TAFA2: variants seen among roughly 807,000 people sequenced by gnomAD.
TAFA2 encodes the protein TAFA chemokine like family member 2.
In TAFA2, 7 loss-of-function variants were observed where a neutral mutation model predicts 18.8. That is an observed-to-expected ratio of 0.37 (90% CI 0.21 to 0.70). The LOEUF (loss-of-function observed/expected upper bound fraction) is 0.70. TAFA2 is among the 30% of genes least tolerant of loss of function. The pLI is 0.53. For synonymous variants in TAFA2, 60 were observed against 54.2 expected (o/e 1.11, Z -0.47); for missense variants, 122 against 158.1 (o/e 0.77, Z 1.23).
chr12:61,736,411 T>C (rs1033432684), intron 4 of TAFA2, among the ~76,000 whole-genome samples: 2 of 152,036 alleles, frequency 1.3e-5, no homozygotes, highest in African/African-American at 4.8e-5. Context: ...GAAAGTCAAG[T>C]TATGTGGATT....
intron 1 of TAFA2, among the ~76,000 whole-genome samples, chr12:61,972,692 T>C (rs1879290754): frequency 6.6e-6 from 1 of 151,690 alleles, no homozygotes; most frequent in Admixed American, 6.6e-5. Flanking sequence ...TCAAATAACT[T>C]GTACCTATGA....
chr12:61,878,328 A>T (rs1417327940), intron 1 of TAFA2, among the ~76,000 whole-genome samples: 1 of 152,178 alleles, frequency 6.6e-6, no homozygotes, highest in East Asian at 1.9e-4. Context: ...TTACAACAAT[A>T]AAAATGAAGA....
chr12:62,087,429 G>C (rs1376426266), intron 1 of TAFA2, among the ~76,000 whole-genome samples: 2 of 152,132 alleles, frequency 1.3e-5, no homozygotes, highest in East Asian at 1.9e-4. Flanking sequence ...ATTAGAATGA[G>C]AGTACTCAGT....
At chr12:62,011,874 C>T (rs1880782437) in intron 1 of TAFA2, among the ~76,000 whole-genome samples, 1 of 152,128 alleles carries the variant, frequency 6.6e-6, no homozygotes, top group African/African-American at 2.4e-5. Flanking sequence ...CAGTTTGCCT[C>T]ATCTGTAAAA....
chr12:61,738,457 T>C (rs888757438), intron 4 of TAFA2, among the ~76,000 whole-genome samples: 29 of 152,020 alleles, frequency 1.9e-4, no homozygotes, highest in African/African-American at 7.0e-4. Flanking sequence ...GAAATACTAG[T>C]TGAATAAATG....
At chr12:61,884,402 A>G (rs1248357651) in intron 1 of TAFA2, among the ~76,000 whole-genome samples, 1 of 152,164 alleles carries the variant, frequency 6.6e-6, no homozygotes, top group Non-Finnish European at 1.5e-5. Context: ...CTCTTTGGGT[A>G]ATATATTTGA....
chr12:61,931,995 C>T (rs192724944), intron 1 of TAFA2, among the ~76,000 whole-genome samples: 1 of 152,296 alleles, frequency 6.6e-6, no homozygotes, highest in African/African-American at 2.4e-5. Context: ...CCCTTTGCCT[C>T]ATACCTTTTT....
chr12:61,798,067 T>C (rs1353802947), intron 2 of TAFA2, among the ~76,000 whole-genome samples: 1 of 152,208 alleles, frequency 6.6e-6, no homozygotes, highest in East Asian at 1.9e-4. Context: ...ATAACCACCA[T>C]ATAGATGCTG....
chr12:62,054,658 C>T (rs2136778886), intron 1 of TAFA2, among the ~76,000 whole-genome samples: 3 of 152,312 alleles, frequency 2.0e-5, no homozygotes, highest in Middle Eastern at 6.8e-3. Context: ...CCATAAAGCT[C>T]TTCCAGATAC....
chr12:61,802,047 C>T (rs149853988), intron 2 of TAFA2, among the ~76,000 whole-genome samples: 2,133 of 152,112 alleles, frequency 0.014, 96 homozygotes, highest in Admixed American at 0.091. Flanking sequence ...AAATGCAAGT[C>T]AAAACCACAG....
intron 2 of TAFA2, among the ~76,000 whole-genome samples, chr12:61,763,320 AT>A (rs1429373271): frequency 2.0e-5 from 3 of 152,022 alleles, no homozygotes; most frequent in African/African-American, 7.2e-5. Context: ...TATCCATAAA[AT>A]TTCAATTTAA....
chr12:61,954,848 C>T (rs891052804), intron 1 of TAFA2, among the ~76,000 whole-genome samples: 10 of 152,140 alleles, frequency 6.6e-5, no homozygotes, highest in South Asian at 4.1e-4. Context: ...ACAGATACTT[C>T]GACTTCGGGA....
At chr12:62,085,379 C>T (rs1397645495) in intron 1 of TAFA2, among the ~76,000 whole-genome samples, 1 of 152,070 alleles carries the variant, frequency 6.6e-6, no homozygotes, top group East Asian at 1.9e-4. Context: ...AACAATGCTT[C>T]TAGGAGTATA....
intron 4 of TAFA2, among the ~76,000 whole-genome samples, chr12:61,734,762 T>C (rs970084006): frequency 6.6e-6 from 1 of 152,014 alleles, no homozygotes; most frequent in African/African-American, 2.4e-5. Flanking sequence ...TTTATTTTTT[T>C]TAAATAAAGA....
chr12:61,773,225 A>C (rs1406948827), intron 2 of TAFA2, among the ~76,000 whole-genome samples: 2 of 152,072 alleles, frequency 1.3e-5, no homozygotes, highest in African/African-American at 4.8e-5. Flanking sequence ...ACAAATGAGA[A>C]CATATCCCAT....
chr12:61,879,099 G>C (rs933262415), intron 1 of TAFA2, among the ~76,000 whole-genome samples: 1 of 152,220 alleles, frequency 6.6e-6, no homozygotes, highest in Non-Finnish European at 1.5e-5. Context: ...CATAAGGACA[G>C]AAGTTGGAGG....
intron 1 of TAFA2, chr12:62,023,796 G>A (rs1881225223): frequency 6.6e-6 from 1 of 151,908 alleles, no homozygotes; most frequent in Non-Finnish European, 1.5e-5. Context: ...AATGGAAGGA[G>A]AAAAATTAGG....
intron 1 of TAFA2, among the ~76,000 whole-genome samples, chr12:61,947,568 TG>T (rs1323880042): frequency 6.6e-6 from 1 of 152,154 alleles, no homozygotes; most frequent in Admixed American, 6.6e-5. Flanking sequence ...GTTTCTGCTT[TG>T]GAAATTAGCA....
chr12:61,779,414 C>T (rs1011917355), intron 2 of TAFA2, among the ~76,000 whole-genome samples: 4 of 151,722 alleles, frequency 2.6e-5, no homozygotes, highest in Non-Finnish European at 5.9e-5. Flanking sequence ...AATCAAAACC[C>T]ATTTGAGAGT....
Sources: gnomAD v4.1 joint callset for allele counts (sites outside exome capture counted in the v4.1 genomes callset) on GRCh38, gnomAD v4.1.1 for gene constraint, MANE v1.5 for transcripts, NCBI Gene and HGNC (gene_info 2026-07-23, HGNC 2026-07-21) for gene names.